Variants in DAPK3 observed in about 807,000 individuals in gnomAD.
DAPK3 encodes the protein death associated protein kinase 3.
In DAPK3, 24 loss-of-function variants were observed where a neutral mutation model predicts 30.6. That is an observed-to-expected ratio of 0.78 (90% confidence interval 0.57 to 1.10). The LOEUF (loss-of-function observed/expected upper bound fraction) is 1.10. Ranked by LOEUF, DAPK3 falls within the 50% of genes least tolerant of loss-of-function variation. The pLI is 0.00. For missense variants in DAPK3, 629 were observed against 657.3 expected (o/e 0.96, Z 0.47); for synonymous variants, 341 against 284.0 (o/e 1.20, Z -2.02).
intron 1 of DAPK3, chr19:3,970,692 A>T (rs1257044207): frequency 1.3e-5 from 2 of 152,458 alleles, no homozygotes; most frequent in Non-Finnish European, 2.9e-5. Context: ...GCCGCCAAAA[A>T]GGGCCCCATC....
chr19:3,961,038 G>A lies in DAPK3; in HGVS notation c.753C>T (p.Phe251=). Residue 251 remains phenylalanine, a synonymous_variant, in exon 7 of 9, where the codon TTC becomes TTT. Transcript: ENST00000545797. ...FSNTSELAKD[F]IRRLLVKDPK... The stretch of plus-strand genomic sequence containing the variant: ...GATCTTTGACGAGCAGCCGGCGAAT[G>A]AAGTCCTTGGCCAGCTCGCTGGTGT... 1 of 1,613,824 alleles carries A rather than the reference G, an allele frequency of 6.2e-7. No individual in the cohort carries two copies. Among genetic ancestry groups the A allele is most frequent in the South Asian group, 1.1e-5 (1 of 91,080 alleles).
Position 3,959,147 on chromosome 19 carries a change from G to A in DAPK3, c.1319C>T (p.Ala440Val). The A allele has an allele frequency of 1.3e-6, 2 of 1,584,170 alleles. No individual in the cohort carries two copies. The highest frequency in any genetic ancestry group is 2.3e-5 in the East Asian group (1 of 44,108). ...GCCCTGCAGCTTCTCCTGCTCCAGG[G>A]CGCGCACGAGGTCCTGCACGAAGCG... Reference protein sequence around the residue: ...EMRFVQDLVRALEQEKLQGVE... With the variant: ...EMRFVQDLVRVLEQEKLQGVE... The change falls in exon 9 of 9, where the codon GCC (alanine) becomes GTC (valine). Residue 440 changes from alanine (A) to valine (V), a missense_variant. This residue lies in a region of DAPK3 where 323 missense variants were observed against 278.8 expected (regional missense o/e 1.16). Coordinates refer to ENST00000545797, the MANE Select transcript of DAPK3 (RefSeq NM_001348.3).
Position 3,959,598 on chromosome 19 carries a change from G to A in DAPK3, c.868C>T (p.Arg290Cys), listed in dbSNP as rs1438745927. Residue 290 changes from arginine to cysteine, a missense_variant, in exon 9 of 9, where the codon CGC becomes TGC. Physicochemically the swap from Arg to Cys is radical, Grantham distance 180 (BLOSUM62 -3). Around this residue, in one of 2 missense-constraint regions of DAPK3, gnomAD observed 323 missense variants for 278.8 expected, o/e 1.16. Transcript: ENST00000545797. The stretch of plus-strand genomic sequence containing the variant: ...TTCAGGCGCCGCCGCTCGGGCTTGC[G>A]GCCGCTGTCCTCACCACGCACGTTC... ...RRNVRGEDSG[R>C]KPERRRLKTT... The A allele has an allele frequency of 7.6e-6, 12 of 1,587,938 alleles. No individual in the cohort carries two copies. Among genetic ancestry groups the A allele is most frequent in the African/African-American group, 2.7e-5 (2 of 74,864 alleles).
In DAPK3 at chr19:3,959,403, C is replaced by A. The variant is rs756917160; in HGVS notation, c.1063G>T (p.Ala355Ser). Residue 355 changes from alanine (A) to serine (S), a missense_variant, in exon 9 of 9, where the codon GCG (alanine) becomes TCG (serine). Physicochemically the swap from Ala to Ser is moderately conservative, Grantham distance 99 (BLOSUM62 1). Around this residue, in one of 2 missense-constraint regions of DAPK3, gnomAD observed 323 missense variants for 278.8 expected, o/e 1.16. Coordinates refer to ENST00000545797, the MANE Select transcript of DAPK3 (RefSeq NM_001348.3). Reference protein sequence around the residue: ...SRRLCHEDVEALAAIYEEKEA... With the variant: ...SRRLCHEDVESLAAIYEEKEA... Reference sequence around the variant, plus strand: ...TTCTCCTCGTAGATGGCGGCCAGCGCCTCCACGTCCTCGTGGCAGAGCCGC... The same window carrying A: ...TTCTCCTCGTAGATGGCGGCCAGCGACTCCACGTCCTCGTGGCAGAGCCGC... The A allele has an allele frequency of 3.8e-6, 6 of 1,563,774 alleles. No individual in the cohort carries two copies. The Admixed American group carries it at 1.1e-4, about 29-fold the overall frequency.
intron 6 of DAPK3, chr19:3,961,471 G>A: frequency 3.6e-6 from 2 of 555,044 alleles, no homozygotes; most frequent in South Asian, 1.4e-5. Context: ...ACGCCGAGGG[G>A]AGGGTAACTG....
chr19:3,963,849 T>G, intron 5 of DAPK3, 22 bp downstream of exon 5: 1 of 1,532,148 alleles, frequency 6.5e-7, no homozygotes, highest in Non-Finnish European at 9.0e-7. Context: ...GGAGGCCCGG[T>G]GGGAGCAGGT....
At chr19:3,967,303 T>G (rs1204289930) in intron 2 of DAPK3, among the ~76,000 whole-genome samples, 2 of 151,578 alleles carry the variant, frequency 1.3e-5, no homozygotes, top group African/African-American at 4.8e-5. Context: ...TACAAAAACA[T>G]TAGCCGGGCG....
chr19:3,959,897 C>T (rs932267508), intron 8 of DAPK3, 162 bp downstream of exon 8: 20 of 663,302 alleles, frequency 3.0e-5, no homozygotes, highest in Non-Finnish European at 4.8e-5. Context: ...ACATCCCACG[C>T]CCAGGACCCA....
intron 8 of DAPK3, 101 bp from the exon 9 acceptor site, chr19:3,959,738 GC>G: frequency 7.5e-7 from 1 of 1,332,560 alleles, no homozygotes; most frequent in South Asian, 1.5e-5. Context: ...TCATCCGGCA[GC>G]AGAGTCAACG....
intron 6 of DAPK3, 74 bp from the exon 7 acceptor site, chr19:3,961,235 C>G: frequency 7.1e-6 from 9 of 1,259,182 alleles, no homozygotes; most frequent in Non-Finnish European, 1.0e-5. Flanking sequence ...CGGCTGCCCA[C>G]GACAGGCGGA....
intron 2 of DAPK3, among the ~76,000 whole-genome samples, chr19:3,965,390 G>C (rs956395619): frequency 6.6e-6 from 1 of 152,240 alleles, no homozygotes; most frequent in Non-Finnish European, 1.5e-5. Flanking sequence ...TTCGAGGAGG[G>C]CAGATAACTT....
chr19:3,964,063 G>A lies in DAPK3; in HGVS notation c.554-144C>T, dbSNP rs10412685. Reference sequence around the variant, plus strand: ...GCAGAGCTGGCCCTCAGGGCCTGACGGGTAGGACAGCGGGGCTGCACCAAA... The same window carrying A: ...GCAGAGCTGGCCCTCAGGGCCTGACAGGTAGGACAGCGGGGCTGCACCAAA... On this transcript the variant is annotated intron_variant, in intron 4 of 8. Coordinates refer to ENST00000545797, the MANE Select transcript of DAPK3 (RefSeq NM_001348.3). 8.6e-3 allele frequency: 6,926 copies of A among 804,144 alleles called. 335 individuals are homozygous for A. In the African/African-American group the frequency reaches 0.11, roughly 12 times the overall value. 49.8% of individuals were successfully genotyped at this position (804,144 alleles called of 1,614,324 possible). A position where few individuals can be genotyped will look rare whatever the true frequency, so the allele number is the denominator to read the frequency against.
At chr19:3,961,227 G>C in intron 6 of DAPK3, 66 bp from the exon 7 acceptor site, 3 of 1,350,326 alleles carry the variant, frequency 2.2e-6, no homozygotes, top group Non-Finnish European at 3.1e-6. Context: ...CGCCTCTCCG[G>C]CTGCCCACGA....
intron 1 of DAPK3, 43 bp from the exon 2 acceptor site, chr19:3,969,872 C>T: frequency 3.1e-6 from 2 of 646,662 alleles, no homozygotes. Context: ...ACTGAGACAC[C>T]ACCCTTTTCT....
chr19:3,963,649 T>C lies in DAPK3; in HGVS notation c.623A>G (p.Tyr208Cys), dbSNP rs2039542488. ...ADMWSIGVIT[Y>C]ILLSGASPFL... Reference sequence around the variant, plus strand: ...GCCCCCGCCAGGTACTCACAGGATATAGGTGATGACACCGATGCTCCTGGG... The same window carrying C: ...GCCCCCGCCAGGTACTCACAGGATACAGGTGATGACACCGATGCTCCTGGG... Residue 208 changes from tyrosine to cysteine, a missense_variant, in exon 6 of 9, where the codon TAT (tyrosine) becomes TGT (cysteine). This residue lies in a region of DAPK3 where 306 missense variants were observed against 378.5 expected (regional missense o/e 0.81). Coordinates refer to ENST00000545797, the MANE Select transcript of DAPK3 (RefSeq NM_001348.3). 1 of 1,535,422 alleles carries C rather than the reference T, an allele frequency of 6.5e-7. No individual in the cohort carries two copies. The highest frequency in any genetic ancestry group is 1.2e-5 in the South Asian group (1 of 80,574).
rs574208790 is a variant in DAPK3 at position 3,962,141 on chromosome 19, G to A, written c.630-980C>T. Among the ~76,000 whole-genome samples, 274 of 152,336 alleles carry A rather than the reference G, an allele frequency of 1.8e-3. 8 individuals carry two copies. The South Asian group carries it at 0.036, about 20-fold the overall frequency. ...CAAAGTGCTGAGATTACAGGCGTGA[G>A]CCATCGCACCCGGCCCATCTAGCAC... On this transcript the variant is annotated intron_variant, in intron 6 of 8. Transcript: ENST00000545797.
intron 2 of DAPK3, among the ~76,000 whole-genome samples, chr19:3,968,663 G>A (rs2145343287): frequency 6.6e-6 from 1 of 152,276 alleles, no homozygotes; most frequent in Admixed American, 6.5e-5. Flanking sequence ...GGTCAACACT[G>A]AAGCATGAGA....
Position 3,968,059 on chromosome 19 carries a change from C to G in DAPK3, c.62+1615G>C, listed in dbSNP as rs145247312. Among the ~76,000 whole-genome samples the G allele has an allele frequency of 7.7e-3, 1,171 of 152,342 alleles. 19 individuals are homozygous for G. Among genetic ancestry groups the G allele is most frequent in the African/African-American group, 0.027 (1,118 of 41,580 alleles). On this transcript the variant is annotated intron_variant, in intron 2 of 8. Transcript: ENST00000545797. ...CCCAGGCTAGTCTTGAAGTCCTGGG[C>G]TCAAGCGATCCTCCCGCCTTGGCCT...
At position 3,964,275 on chromosome 19, in the gene DAPK3, G is replaced by A; in HGVS notation, c.522C>T (p.Phe174=). 3 of 1,613,608 alleles carry A rather than the reference G, an allele frequency of 1.9e-6. No individual in the cohort carries two copies. Among genetic ancestry groups the A allele is most frequent in the South Asian group, 2.2e-5 (2 of 91,060 alleles). The change falls in exon 4 of 9, where the codon TTC becomes TTT. Residue 174 remains phenylalanine (F), a synonymous_variant. Transcript: ENST00000545797. ...ACTCCGGGGTGCCGAAGATGTTCTT[G>A]AACTCGTTCCCCGCCTCGATCTTGT... ...IAHKIEAGNE[F]KNIFGTPEFV...
Sources: gnomAD v4.1 joint callset for allele counts (sites outside exome capture counted in the v4.1 genomes callset) on GRCh38, gnomAD v4.1.1 for gene constraint, gnomAD v4.1.1 regional missense constraint, MANE v1.5 for transcripts, NCBI Gene and HGNC (gene_info 2026-07-23, HGNC 2026-07-21) for gene names.